Variants in NDUFA5 observed in about 807,000 individuals in gnomAD.
NDUFA5 encodes the protein NADH:ubiquinone oxidoreductase subunit A5, also known as NADH dehydrogenase [ubiquinone] 1 alpha subcomplex subunit 5.
NDUFA5 carries 11 observed loss-of-function variants against 19.8 expected under a neutral mutation model. The ratio of observed to expected loss-of-function variants is 0.56; its 90% CI spans 0.35 to 0.92. The LOEUF is 0.92. Among genes scored for constraint, NDUFA5 ranks in the 40% least tolerant of loss-of-function variants. The pLI, the probability that NDUFA5 is intolerant of heterozygous loss-of-function variation, is 0.01. For missense variants in NDUFA5, 109 were observed against 134.2 expected, an observed-to-expected ratio of 0.81 and a Z score of 0.93; for synonymous variants, 47 against 46.8, an observed-to-expected ratio of 1.00 and a Z score of -0.01.
At chr7:123,546,193 T>C (rs1431517320) in intron 3 of NDUFA5, among the ~76,000 whole-genome samples, 2 of 152,166 alleles carry the variant, frequency 1.3e-5, no homozygotes, top group Admixed American at 6.5e-5. Context: ...TATTTGGATA[T>C]AATACTTCAC....
rs1309554901 is a variant in NDUFA5, at chr7:123,537,856, A to C, written c.*4263T>G. Reference sequence around the variant, plus strand: ...AAAAAAAAATAGTTATCTTTAGAAAACCTAATAGATTCACCTAAAAAAAAA... The same window carrying C: ...AAAAAAAAATAGTTATCTTTAGAAACCCTAATAGATTCACCTAAAAAAAAA... On this transcript the variant is annotated 3_prime_UTR_variant, in exon 5 of 5. Coordinates refer to ENST00000355749, the MANE Select transcript of NDUFA5 (RefSeq NM_005000.5). 6.6e-6 allele frequency: 1 copy of C among 152,116 alleles called. No individual in the cohort carries two copies. Among genetic ancestry groups the C allele is most frequent in the East Asian group, 1.9e-4 (1 of 5,196 alleles). The allele number at this position is 152,116 out of a possible 1,614,324, so 9.4% of individuals were successfully genotyped here. A position where few individuals can be genotyped will look rare whatever the true frequency, so the allele number is the denominator to read the frequency against.
the NDUFA5 span, among the ~76,000 whole-genome samples, chr7:123,580,486 A>C: frequency 6.6e-6 from 1 of 151,930 alleles, no homozygotes; most frequent in Non-Finnish European, 1.5e-5. Context: ...ATTTTACTTA[A>C]CCCCCTAAGC....
chr7:123,582,137 A>T, the NDUFA5 span, among the ~76,000 whole-genome samples: 7 of 151,948 alleles, frequency 4.6e-5, no homozygotes, highest in African/African-American at 1.7e-4. Flanking sequence ...ATCTTTTCCT[A>T]CCTAAAATGC....
rs1797897174 is a variant in NDUFA5 at position 123,540,714 on chromosome 7, T to TC, written c.*1404dup. The TC allele has an allele frequency of 1.3e-5, 2 of 152,006 alleles. No individual in the cohort carries two copies. The highest frequency in any genetic ancestry group is 4.8e-5 in the African/African-American group (2 of 41,382). The allele number at this position is 152,006 out of a possible 1,614,324, so 9.4% of individuals were successfully genotyped here. On this transcript the variant is annotated 3_prime_UTR_variant, in exon 5 of 5. Coordinates refer to ENST00000355749, the MANE Select transcript of NDUFA5 (RefSeq NM_005000.5). ...GAATGAGAAACCCTGGGCTTCTAAC[T>TC]CCCCCTCTAACACTTCCCCACCAGA...
the NDUFA5 span, among the ~76,000 whole-genome samples, chr7:123,597,092 A>G: frequency 6.6e-6 from 1 of 152,226 alleles, no homozygotes; most frequent in Non-Finnish European, 1.5e-5. Flanking sequence ...ACCCTAGTCA[A>G]AAAATATTAA....
chr7:123,573,382 C>A, the NDUFA5 span, among the ~76,000 whole-genome samples: 4 of 150,930 alleles, frequency 2.7e-5, no homozygotes, highest in Non-Finnish European at 5.9e-5. Context: ...ACCTGACCCT[C>A]ATTTGTCTGT....
At chr7:123,553,542 A>T (rs1798433613) in intron 2 of NDUFA5, among the ~76,000 whole-genome samples, 1 of 152,218 alleles carries the variant, frequency 6.6e-6, no homozygotes, top group Non-Finnish European at 1.5e-5. Flanking sequence ...ATCACAGGGT[A>T]AGCTACAGAA....
chr7:123,554,760 TG>T (rs1391532117), intron 2 of NDUFA5: 1 of 152,026 alleles, frequency 6.6e-6, no homozygotes, highest in Non-Finnish European at 1.5e-5. Flanking sequence ...CACAGCTCAC[TG>T]CAGCCTCAAC....
At chr7:123,546,255 C>T (rs1798129244) in intron 3 of NDUFA5, among the ~76,000 whole-genome samples, 1 of 151,836 alleles carries the variant, frequency 6.6e-6, no homozygotes, top group African/African-American at 2.4e-5. Flanking sequence ...TTCTCTTAAC[C>T]ACAGTATTAA....
At chr7:123,561,301 G>T (rs533630544), upstream of NDUFA5, among the ~76,000 whole-genome samples, 27 of 152,164 alleles carry the variant, frequency 1.8e-4, no homozygotes, top group Non-Finnish European at 3.7e-4. Context: ...ATATTATAAA[G>T]ACTTTGTTGT....
At chr7:123,588,679 A>AT in the NDUFA5 span, among the ~76,000 whole-genome samples, 37 of 126,492 alleles carry the variant, frequency 2.9e-4, no homozygotes, top group East Asian at 1.9e-3. Context: ...TTTATTTGGG[A>AT]TTTTTTTTTT....
At chr7:123,566,700 A>C in the NDUFA5 span, among the ~76,000 whole-genome samples, 1 of 152,236 alleles carries the variant, frequency 6.6e-6, no homozygotes, top group South Asian at 2.1e-4. Flanking sequence ...ATTTTCATAA[A>C]TATAAAGAAA....
the NDUFA5 span, among the ~76,000 whole-genome samples, chr7:123,578,740 C>A: frequency 6.6e-6 from 1 of 152,042 alleles, no homozygotes; most frequent in African/African-American, 2.4e-5. Flanking sequence ...ATTTTATGTG[C>A]TAAAGTCCAC....
At chr7:123,563,093 G>C in the NDUFA5 span, among the ~76,000 whole-genome samples, 3 of 152,150 alleles carry the variant, frequency 2.0e-5, no homozygotes, top group South Asian at 6.2e-4. Context: ...GAGCCACCGC[G>C]CCTGGCCTGT....
upstream of NDUFA5, among the ~76,000 whole-genome samples, chr7:123,562,334 A>G (rs1204878494): frequency 1.3e-5 from 2 of 152,130 alleles, no homozygotes; most frequent in Non-Finnish European, 1.5e-5. Context: ...GCCTGTAACA[A>G]GAGAGTTAGC....
the NDUFA5 span, among the ~76,000 whole-genome samples, chr7:123,570,304 G>C: frequency 6.6e-6 from 1 of 151,976 alleles, no homozygotes; most frequent in Non-Finnish European, 1.5e-5. Flanking sequence ...CCAAAGTGCT[G>C]GGATTACAGG....
chr7:123,542,446 G>C (rs1797974334), intron 4 of NDUFA5, among the ~76,000 whole-genome samples: 1 of 152,024 alleles, frequency 6.6e-6, no homozygotes, highest in Non-Finnish European at 1.5e-5. Context: ...ATTGAAATAG[G>C]CTATAGTGTT....
chr7:123,597,967 T>C, the NDUFA5 span, among the ~76,000 whole-genome samples: 19 of 151,000 alleles, frequency 1.3e-4, no homozygotes, highest in African/African-American at 4.6e-4. Context: ...TGTGTCTTTG[T>C]TCTCTGACCT....
chr7:123,575,353 G>A, the NDUFA5 span, among the ~76,000 whole-genome samples: 3 of 151,956 alleles, frequency 2.0e-5, no homozygotes, highest in East Asian at 5.8e-4. Context: ...GCTTTCATAT[G>A]TTAAATATGT....
Sources: gnomAD v4.1 joint callset for allele counts (sites outside exome capture counted in the v4.1 genomes callset) on GRCh38, gnomAD v4.1.1 for gene constraint, MANE v1.5 for transcripts, NCBI Gene and HGNC (gene_info 2026-07-23, HGNC 2026-07-21) for gene names.